TBL1X: variants seen among roughly 807,000 people sequenced by gnomAD.
TBL1X encodes the protein F-box-like/WD repeat-containing protein TBL1X.
A neutral mutation model predicts 50.7 loss-of-function variants in TBL1X; 10 were observed. The ratio of observed to expected loss-of-function variants is 0.20; its 90% confidence interval spans 0.12 to 0.33. The LOEUF is 0.33. Among genes scored for constraint, TBL1X ranks in the 10% least tolerant of loss-of-function variants. The pLI is 1.00. For synonymous variants in TBL1X, 190 were observed against 214.7 expected, an observed-to-expected ratio of 0.88 and a Z score of 1.01; for missense variants, 340 against 504.4, an observed-to-expected ratio of 0.67 and a Z score of 3.12.
At chrX:9,644,776 C>G (rs923433455) in intron 3 of TBL1X, 2 of 111,519 alleles carry the variant, frequency 1.8e-5, no homozygotes, top group Admixed American at 1.9e-4. Flanking sequence ...CTGCTTCAGC[C>G]TCCTGAGTAG....
At chrX:9,488,086 G>A (rs1261478602) in intron 1 of TBL1X, among the ~76,000 whole-genome samples, 1 of 112,175 alleles carries the variant, frequency 8.9e-6, no homozygotes, top group African/African-American at 3.2e-5. Context: ...CATGGGACAT[G>A]ATTTTCTGGG....
chrX:9,673,679 A>G (rs2082973421), intron 5 of TBL1X, among the ~76,000 whole-genome samples: 1 of 112,673 alleles, frequency 8.9e-6, no homozygotes, highest in African/African-American at 3.2e-5. Flanking sequence ...ATGTATATAT[A>G]GCTATCATGT....
At chrX:9,618,654 G>A (rs1009044970) in intron 2 of TBL1X, among the ~76,000 whole-genome samples, 7 of 112,068 alleles carry the variant, frequency 6.2e-5, no homozygotes, top group East Asian at 2.8e-4. Flanking sequence ...ACTCCAGCCC[G>A]GACGACAGAG....
intron 17 of TBL1X, 90 bp downstream of exon 17, chrX:9,715,093 C>T (rs1277857451): frequency 7.9e-6 from 7 of 884,576 alleles, no homozygotes; most frequent in Admixed American, 2.6e-5. Flanking sequence ...GCATTCGTGT[C>T]CTGAAGGGCC....
intron 1 of TBL1X, among the ~76,000 whole-genome samples, chrX:9,497,163 C>G (rs2081974946): frequency 9.0e-6 from 1 of 111,331 alleles, no homozygotes; most frequent in African/African-American, 3.3e-5. Context: ...AATCCTAACA[C>G]TTTGGAAAGC....
intron 7 of TBL1X, among the ~76,000 whole-genome samples, chrX:9,689,109 C>T (rs189280639): frequency 6.2e-5 from 7 of 113,367 alleles, no homozygotes; most frequent in Non-Finnish European, 9.4e-5. Context: ...CGTGTGTGTG[C>T]GCACGCACGC....
chrX:9,699,704 G>A (rs760409816), intron 12 of TBL1X, among the ~76,000 whole-genome samples: 49 of 111,645 alleles, frequency 4.4e-4, no homozygotes, highest in African/African-American at 1.5e-3. Context: ...TAGATGCATA[G>A]GCACCCACGT....
chrX:9,543,630 C>T (rs1482268147), intron 2 of TBL1X, among the ~76,000 whole-genome samples: 2 of 111,441 alleles, frequency 1.8e-5, no homozygotes, highest in African/African-American at 3.3e-5. Flanking sequence ...TCTCCTGTTT[C>T]GGGTATAAGG....
chrX:9,707,129 T>A (rs1313731315), intron 13 of TBL1X, among the ~76,000 whole-genome samples: 1 of 111,346 alleles, frequency 9.0e-6, no homozygotes, highest in Non-Finnish European at 1.9e-5. Flanking sequence ...GGGTCCCTTG[T>A]TAAAGCAGGA....
intron 2 of TBL1X, among the ~76,000 whole-genome samples, chrX:9,632,330 A>T (rs2082725641): frequency 8.9e-6 from 1 of 111,764 alleles, no homozygotes; most frequent in South Asian, 3.7e-4. Flanking sequence ...CCCAGGCTGG[A>T]GTGCAGTGGC....
intron 12 of TBL1X, among the ~76,000 whole-genome samples, chrX:9,699,313 TAAAAC>T (rs1329372526): frequency 1.8e-5 from 2 of 111,805 alleles, no homozygotes; most frequent in Admixed American, 9.5e-5. Flanking sequence ...CGTGGCCTCT[TAAAAC>T]AAAGACAGAT....
chrX:9,603,684 T>G (rs1343270547), intron 2 of TBL1X, among the ~76,000 whole-genome samples: 1 of 111,679 alleles, frequency 9.0e-6, no homozygotes, highest in Middle Eastern at 4.6e-3. Flanking sequence ...GTGGTTTGTT[T>G]CCTGGGGCTG....
chrX:9,709,584 C>T (rs779385500), intron 14 of TBL1X, 49 bp from the exon 15 acceptor site: 14 of 1,197,875 alleles, frequency 1.2e-5, no homozygotes, highest in South Asian at 1.8e-5. Flanking sequence ...ACATCGTTCC[C>T]GGATGCAGGA....
chrX:9,468,403 C>T (rs1049641180), intron 1 of TBL1X, among the ~76,000 whole-genome samples: 3 of 112,214 alleles, frequency 2.7e-5, no homozygotes, highest in Admixed American at 1.9e-4. Context: ...TCCCTTCCTG[C>T]AACTGTTAAA....
At chrX:9,501,383 G>A (rs2082000441) in intron 1 of TBL1X, among the ~76,000 whole-genome samples, 1 of 112,339 alleles carries the variant, frequency 8.9e-6, no homozygotes, top group Non-Finnish European at 1.9e-5. Context: ...GAACATGGGT[G>A]AGCTTAGCAC....
At chrX:9,638,493 CAA>C (rs1188191913) in intron 2 of TBL1X, among the ~76,000 whole-genome samples, 1 of 111,676 alleles carries the variant, frequency 9.0e-6, no homozygotes, top group Non-Finnish European at 1.9e-5. Context: ...TGTTATTAAC[CAA>C]AGTCATAATT....
At chrX:9,497,565 A>G (rs1202697999) in intron 1 of TBL1X, among the ~76,000 whole-genome samples, 2 of 111,228 alleles carry the variant, frequency 1.8e-5, no homozygotes, top group Non-Finnish European at 3.8e-5. Context: ...CTTGAAAGCT[A>G]CATTGGCCAC....
At chrX:9,470,308 T>A (rs894824713) in intron 1 of TBL1X, among the ~76,000 whole-genome samples, 3 of 113,096 alleles carry the variant, frequency 2.7e-5, no homozygotes, top group Non-Finnish European at 5.6e-5. Flanking sequence ...AGTCTCACTA[T>A]GTCGCCCAGG....
chrX:9,533,971 T>C (rs1202277607), intron 2 of TBL1X, among the ~76,000 whole-genome samples: 1 of 111,223 alleles, frequency 9.0e-6, no homozygotes, highest in Non-Finnish European at 1.9e-5. Context: ...CGGCTTGCCG[T>C]GCCCAGTGCT....
Sources: gnomAD v4.1 joint callset for allele counts (sites outside exome capture counted in the v4.1 genomes callset) on GRCh38, gnomAD v4.1.1 for gene constraint, MANE v1.5 for transcripts, NCBI Gene and HGNC (gene_info 2026-07-23, HGNC 2026-07-21) for gene names.